Variants in KCNH8 observed in about 807,000 individuals in gnomAD.
KCNH8 encodes the protein potassium voltage-gated channel subfamily H member 8, also known as voltage-gated delayed rectifier potassium channel KCNH8.
KCNH8 carries 70 observed loss-of-function variants against 103.6 expected under a neutral mutation model. The ratio of observed to expected loss-of-function variants is 0.68; its 90% CI spans 0.56 to 0.82. The LOEUF is 0.82. Among genes scored for constraint, KCNH8 ranks in the 40% least tolerant of loss-of-function variants. The probability of loss-of-function intolerance (pLI) is 0.00; values close to 1 mark genes in which losing one functional copy is unlikely to be tolerated. For missense variants in KCNH8, 1,217 were observed against 1,329.9 expected, an observed-to-expected ratio of 0.92 and a Z score of 1.32; for synonymous variants, 498 against 489.4, an observed-to-expected ratio of 1.02 and a Z score of -0.23.
chr3:19,197,426 T>C (rs1375895323), intron 1 of KCNH8, among the ~76,000 whole-genome samples: 1 of 152,122 alleles, frequency 6.6e-6, no homozygotes, highest in Non-Finnish European at 1.5e-5. Flanking sequence ...CAAATCTATC[T>C]GGCATTGGAG....
At chr3:19,389,114 C>T (rs2066397839) in intron 5 of KCNH8, among the ~76,000 whole-genome samples, 1 of 152,140 alleles carries the variant, frequency 6.6e-6, no homozygotes, top group South Asian at 2.1e-4. Context: ...AATCAAATGA[C>T]ATAATAAGTA....
intron 2 of KCNH8, among the ~76,000 whole-genome samples, chr3:19,274,863 C>T (rs1575487519): frequency 1.5e-5 from 1 of 64,970 alleles, no homozygotes; most frequent in African/African-American, 7.1e-5. Flanking sequence ...CCCCTCCCCA[C>T]CCCTCCCCTC....
At chr3:19,487,483 G>C (rs117137271) in intron 11 of KCNH8, among the ~76,000 whole-genome samples, 1 of 152,060 alleles carries the variant, frequency 6.6e-6, no homozygotes, top group Non-Finnish European at 1.5e-5. Flanking sequence ...GCTTTTAAGC[G>C]CCTGAGATGA....
chr3:19,356,935 T>C (rs1241883025), intron 5 of KCNH8, among the ~76,000 whole-genome samples: 1 of 151,978 alleles, frequency 6.6e-6, no homozygotes, highest in Non-Finnish European at 1.5e-5. Context: ...GAATTTGTAA[T>C]CTTGGTGGTG....
At chr3:19,351,620 A>G (rs867709730) in intron 5 of KCNH8, among the ~76,000 whole-genome samples, 8 of 152,326 alleles carry the variant, frequency 5.3e-5, no homozygotes, top group Middle Eastern at 3.4e-3. Flanking sequence ...CCAGAATTTT[A>G]TATCCGGCCA....
At chr3:19,434,243 T>C (rs563515158) in intron 7 of KCNH8, among the ~76,000 whole-genome samples, 47 of 152,360 alleles carry the variant, frequency 3.1e-4, no homozygotes, top group African/African-American at 1.1e-3. Context: ...GTATGTTTCT[T>C]ATCAATGATG....
chr3:19,331,402 C>T (rs1364878174), intron 3 of KCNH8, among the ~76,000 whole-genome samples: 3 of 151,944 alleles, frequency 2.0e-5, no homozygotes, highest in Admixed American at 6.6e-5. Context: ...AGTGATTCTC[C>T]TGCCTCAGCC....
chr3:19,451,455 TAAGAAG>T, intron 10 of KCNH8, 51 bp downstream of exon 10: 2 of 1,570,212 alleles, frequency 1.3e-6, no homozygotes. Context: ...GAGCATAAAT[TAAGAAG>T]ATGAAATGGG....
chr3:19,219,237 C>G (rs569615308), intron 1 of KCNH8, among the ~76,000 whole-genome samples: 1 of 152,184 alleles, frequency 6.6e-6, no homozygotes, highest in East Asian at 1.9e-4. Flanking sequence ...TTCAAATATG[C>G]CCTCCTCAGT....
chr3:19,438,037 C>T (rs561520243), intron 7 of KCNH8, 127 bp from the exon 8 acceptor site: 4 of 751,120 alleles, frequency 5.3e-6, no homozygotes, highest in South Asian at 3.4e-5. Context: ...CTTTAATTTC[C>T]TTTTTACCTT....
chr3:19,258,114 C>G (rs1329560174), intron 2 of KCNH8, among the ~76,000 whole-genome samples: 1 of 152,008 alleles, frequency 6.6e-6, no homozygotes, highest in East Asian at 1.9e-4. Flanking sequence ...TGTAAAGACC[C>G]TATCTTCAAA....
chr3:19,410,150 G>A (rs2066755325), intron 7 of KCNH8, among the ~76,000 whole-genome samples: 1 of 151,980 alleles, frequency 6.6e-6, no homozygotes, highest in African/African-American at 2.4e-5. Flanking sequence ...ACTTGAATAA[G>A]TCTCAATAAA....
intron 1 of KCNH8, among the ~76,000 whole-genome samples, chr3:19,175,915 T>C (rs1439144955): frequency 6.6e-6 from 1 of 152,218 alleles, no homozygotes; most frequent in African/African-American, 2.4e-5. Context: ...CAAGTTCCCG[T>C]ATGGCACTCA....
intron 1 of KCNH8, among the ~76,000 whole-genome samples, chr3:19,195,349 C>T (rs1371497254): frequency 6.6e-6 from 1 of 151,884 alleles, no homozygotes; most frequent in Non-Finnish European, 1.5e-5. Flanking sequence ...GAAGGGATCA[C>T]ACAGCAGAAC....
chr3:19,190,077 G>T (rs2063537007), intron 1 of KCNH8, among the ~76,000 whole-genome samples: 1 of 151,842 alleles, frequency 6.6e-6, no homozygotes, highest in Admixed American at 6.6e-5. Context: ...TGCTTGCTGA[G>T]GGGGGAATAC....
At chr3:19,478,609 T>C (rs1485999504) in intron 11 of KCNH8, among the ~76,000 whole-genome samples, 2 of 152,166 alleles carry the variant, frequency 1.3e-5, no homozygotes, top group African/African-American at 4.8e-5. Flanking sequence ...TTCTCTTAAA[T>C]GTAACACAAG....
intron 13 of KCNH8, among the ~76,000 whole-genome samples, chr3:19,514,784 G>C (rs1219293617): frequency 6.6e-6 from 1 of 151,734 alleles, no homozygotes; most frequent in Non-Finnish European, 1.5e-5. Flanking sequence ...GTTAAAACCT[G>C]GAGAGTAGTG....
rs377160745 is a variant in KCNH8, at chr3:19,174,941, AG to A, written c.76+26148del. Among the ~76,000 whole-genome samples, 32 of 152,322 alleles carry A rather than the reference AG, an allele frequency of 2.1e-4. 2 individuals are homozygous for A. In the South Asian group the frequency reaches 2.9e-3, roughly 14 times the overall value. On this transcript the variant is annotated intron_variant, in intron 1 of 15. Transcript: ENST00000328405. ...AGGAAGAAACACGCCCTTTTGAATT[AG>A]GCACTAATAATTTTGTTTTATTATG...
At chr3:19,176,756 T>C (rs1244902492) in intron 1 of KCNH8, among the ~76,000 whole-genome samples, 1 of 152,154 alleles carries the variant, frequency 6.6e-6, no homozygotes. Context: ...GTGTATATGA[T>C]ATACAGTTGA....
Sources: gnomAD v4.1 joint callset for allele counts (sites outside exome capture counted in the v4.1 genomes callset) on GRCh38, gnomAD v4.1.1 for gene constraint, MANE v1.5 for transcripts, NCBI Gene and HGNC (gene_info 2026-07-23, HGNC 2026-07-21) for gene names.